SPTLC3: variants seen among roughly 807,000 people sequenced by gnomAD.
SPTLC3 encodes serine palmitoyltransferase 3.
SPTLC3 carries 36 observed loss-of-function variants against 59.3 expected under a neutral mutation model. That is an observed-to-expected ratio of 0.61 (90% CI 0.47 to 0.80). The LOEUF is 0.80. SPTLC3 is among the 30% of genes least tolerant of loss of function. SPTLC3 has a pLI of 0.00. For missense variants in SPTLC3, 625 were observed against 685.1 expected (o/e 0.91, Z 0.98); for synonymous variants, 257 against 240.8 (o/e 1.07, Z -0.62).
chr20:13,038,766 A>G lies in SPTLC3; in HGVS notation c.118-10179A>G, dbSNP rs183101295. ...TATTGATTTAGATCTTTCTTTTTAA[A>G]ATAGAGGCATTAGAGCTATAAATGT... On this transcript the variant is annotated intron_variant, in intron 1 of 11. Coordinates refer to ENST00000399002, the MANE Select transcript of SPTLC3 (RefSeq NM_018327.4). 1.4e-3 allele frequency among the ~76,000 whole-genome samples: 220 copies of G among 152,198 alleles called. 1 individual carries two copies. The highest frequency in any genetic ancestry group is 4.7e-3 in the African/African-American group (194 of 41,572).
intron 4 of SPTLC3, among the ~76,000 whole-genome samples, chr20:13,087,682 A>G (rs1989047930): frequency 6.6e-6 from 1 of 152,222 alleles, no homozygotes; most frequent in Admixed American, 6.5e-5. Context: ...AATGTCTGAC[A>G]CTATGGCCAT....
intron 9 of SPTLC3, among the ~76,000 whole-genome samples, chr20:13,140,697 G>GA (rs139149968): frequency 6.6e-6 from 1 of 152,182 alleles, no homozygotes; most frequent in African/African-American, 2.4e-5. Flanking sequence ...GTTATTAGGA[G>GA]AAAAAAGTTG....
chr20:13,030,492 A>C (rs1015555586), intron 1 of SPTLC3, among the ~76,000 whole-genome samples: 1 of 152,044 alleles, frequency 6.6e-6, no homozygotes, highest in Non-Finnish European at 1.5e-5. Context: ...ATTTGTTTAA[A>C]CTCATCAGTA....
chr20:13,033,510 C>T (rs1245920786), intron 1 of SPTLC3, among the ~76,000 whole-genome samples: 1 of 152,124 alleles, frequency 6.6e-6, no homozygotes, highest in Non-Finnish European at 1.5e-5. Context: ...AAGTAACACA[C>T]TTTTCTTCTA....
chr20:13,143,452 C>T (rs1045909287), intron 9 of SPTLC3, among the ~76,000 whole-genome samples: 1 of 152,098 alleles, frequency 6.6e-6, no homozygotes, highest in Non-Finnish European at 1.5e-5. Context: ...TTATTATTAT[C>T]CTTGTCATGA....
chr20:13,055,676 G>GA (rs900217197), intron 2 of SPTLC3, among the ~76,000 whole-genome samples: 4 of 151,826 alleles, frequency 2.6e-5, no homozygotes, highest in African/African-American at 4.8e-5. Flanking sequence ...ATTTTATCAG[G>GA]AAAAAAAATA....
intron 1 of SPTLC3, among the ~76,000 whole-genome samples, chr20:13,014,049 C>A (rs2122359837): frequency 6.6e-6 from 1 of 152,314 alleles, no homozygotes; most frequent in Admixed American, 6.5e-5. Flanking sequence ...GGCTTTTTTA[C>A]AGGATGACTG....
intron 1 of SPTLC3, among the ~76,000 whole-genome samples, chr20:13,018,025 G>A (rs552478870): frequency 6.4e-4 from 97 of 152,280 alleles, no homozygotes; most frequent in Non-Finnish European, 1.2e-3. Context: ...TTCTAGCTGA[G>A]ATGCAGTACC....
In SPTLC3 at chr20:13,144,767, G is replaced by A. The variant is rs12624711; in HGVS notation, c.1280-9236G>A. Among the ~76,000 whole-genome samples the A allele has an allele frequency of 3.2e-3, 215 of 66,442 alleles. No individual in the cohort carries two copies. In the East Asian group the frequency reaches 0.04, roughly 12 times the overall value. 43.6% of individuals were successfully genotyped at this position (66,442 alleles called of 152,430 possible). Reference sequence around the variant, plus strand: ...GGAGGTCTACTATGTGTGTGTGTGTGTATATATATATACACAGATTTTTTT... The same window carrying A: ...GGAGGTCTACTATGTGTGTGTGTGTATATATATATATACACAGATTTTTTT... On this transcript the variant is annotated intron_variant, in intron 9 of 11. Transcript: ENST00000399002.
intron 1 of SPTLC3, among the ~76,000 whole-genome samples, chr20:13,021,601 G>A (rs1401996399): frequency 8.3e-6 from 1 of 119,872 alleles, no homozygotes; most frequent in African/African-American, 3.3e-5. Flanking sequence ...TTTCTTGTCA[G>A]TGTAACTGCA....
At chr20:13,056,342 C>T (rs772899720) in intron 2 of SPTLC3, among the ~76,000 whole-genome samples, 2 of 152,038 alleles carry the variant, frequency 1.3e-5, no homozygotes, top group Admixed American at 1.3e-4. Context: ...ATTTGAGTCC[C>T]GTTAGAGACT....
At chr20:13,064,220 A>G (rs1988089928) in intron 2 of SPTLC3, among the ~76,000 whole-genome samples, 1 of 149,734 alleles carries the variant, frequency 6.7e-6, no homozygotes, top group Non-Finnish European at 1.5e-5. Flanking sequence ...TATTTCTAAT[A>G]ATTTCCCCAG....
At chr20:13,135,356 A>G (rs2038217618) in intron 9 of SPTLC3, among the ~76,000 whole-genome samples, 1 of 152,210 alleles carries the variant, frequency 6.6e-6, no homozygotes, top group African/African-American at 2.4e-5. Context: ...TACTTAACTC[A>G]TGCTATAACA....
At chr20:13,079,932 C>G (rs868402117) in intron 4 of SPTLC3, 1 of 326,342 alleles carries the variant, frequency 3.1e-6, no homozygotes, top group Middle Eastern at 6.6e-4. Flanking sequence ...CTTCTCAAGC[C>G]TGATTCTGAC....
chr20:13,080,774 C>G lies in SPTLC3; in HGVS notation c.607+6277C>G, dbSNP rs372837045. Among the ~76,000 whole-genome samples the G allele has an allele frequency of 1.6e-3, 244 of 152,118 alleles. 7 individuals are homozygous for G. In the South Asian group the frequency reaches 0.049, roughly 30 times the overall value. On this transcript the variant is annotated intron_variant, in intron 4 of 11. Coordinates refer to ENST00000399002, the MANE Select transcript of SPTLC3 (RefSeq NM_018327.4). ...TTTAACTTTGTAACTCTATTTTGAG[C>G]AATTTTGTCTTTAAAAAATGAATAA...
At chr20:13,160,451 G>A (rs1424232943) in intron 11 of SPTLC3, among the ~76,000 whole-genome samples, 1 of 152,100 alleles carries the variant, frequency 6.6e-6, no homozygotes, top group Non-Finnish European at 1.5e-5. Context: ...TGCTGTTTTA[G>A]ACTTAATTAC....
chr20:13,031,915 T>C (rs1034581583), intron 1 of SPTLC3, among the ~76,000 whole-genome samples: 3 of 152,216 alleles, frequency 2.0e-5, no homozygotes, highest in Admixed American at 1.3e-4. Flanking sequence ...TCCCGCTTCA[T>C]AACCTTAGGC....
intron 4 of SPTLC3, among the ~76,000 whole-genome samples, chr20:13,078,489 G>A (rs1387430037): frequency 6.6e-6 from 1 of 151,748 alleles, no homozygotes; most frequent in Non-Finnish European, 1.5e-5. Flanking sequence ...ACCTCAAAGA[G>A]ATTGTACTAT....
chr20:13,090,343 C>T (rs6074555), intron 4 of SPTLC3, among the ~76,000 whole-genome samples: 3 of 152,116 alleles, frequency 2.0e-5, no homozygotes, highest in African/African-American at 4.8e-5. Context: ...ATGAGAGAAC[C>T]TAAACAGTGA....
Sources: gnomAD v4.1 joint callset for allele counts (sites outside exome capture counted in the v4.1 genomes callset) on GRCh38, gnomAD v4.1.1 for gene constraint, MANE v1.5 for transcripts, NCBI Gene and HGNC (gene_info 2026-07-23, HGNC 2026-07-21) for gene names.